The following FBN3 variants were observed in gnomAD, a reference collection of about 807,000 sequenced individuals.
The protein encoded by FBN3 is fibrillin 3, also known as fibrillin-3.
Under a neutral mutation model 330.1 loss-of-function variants are expected in FBN3, and 234 were observed. The ratio of observed to expected loss-of-function variants is 0.71; its 90% CI spans 0.64 to 0.79. The LOEUF (loss-of-function observed/expected upper bound fraction) is 0.79, where lower values mean the gene tolerates loss of function less well. Among genes scored for constraint, FBN3 ranks in the 30% least tolerant of loss-of-function variants. FBN3 has a pLI of 0.00. For synonymous variants in FBN3, 1,458 were observed against 1,517.3 expected, an observed-to-expected ratio of 0.96 and a Z score of 0.91; for missense variants, 3,606 against 3,886.9, an observed-to-expected ratio of 0.93 and a Z score of 1.92.
In FBN3 at chr19:8,094,334, C is replaced by A. The variant is rs759254593; in HGVS notation, c.5905+112G>T. On this transcript the variant is annotated intron_variant, in intron 47 of 63. Coordinates refer to ENST00000600128, the MANE Select transcript of FBN3 (RefSeq NM_032447.5). ...GTTTATGAAGCTGTGTTTGACGCTG[C>A]GTTAAGTACATCTCCACCTTCATCA... 6 of 1,162,908 alleles carry A rather than the reference C, an allele frequency of 5.2e-6. No individual in the cohort carries two copies. In the East Asian group the frequency reaches 7.8e-5, roughly 15 times the overall value. 72.0% of individuals were successfully genotyped at this position (1,162,908 alleles called of 1,614,324 possible).
In FBN3 at chr19:8,090,099, C is replaced by T. The variant is rs760712528; in HGVS notation, c.6184G>A (p.Ala2062Thr). 2.0e-5 allele frequency: 32 copies of T among 1,613,080 alleles called. No homozygotes were observed. Among genetic ancestry groups the T allele is most frequent in the East Asian group, 2.2e-5 (1 of 44,850 alleles). Residue 2062 changes from alanine to threonine, a missense_variant and splice_region_variant, in exon 49 of 64, where the codon GCT becomes ACT. Physicochemically the swap from Ala to Thr is moderately conservative, Grantham distance 58 (BLOSUM62 0). Coordinates refer to ENST00000600128, the MANE Select transcript of FBN3 (RefSeq NM_032447.5). Reference sequence around the variant, plus strand: ...AGCCTGGACAGGGGTGGGCACTCACCGCTGCCCTCCTGGGGACACAGTTCG... The same window carrying T: ...AGCCTGGACAGGGGTGGGCACTCACTGCTGCCCTCCTGGGGACACAGTTCG... ...PCELCPQEGS[A>T]AFQELCPFGH...
Position 8,086,305 on chromosome 19 carries a change from G to A in FBN3, c.6775C>T (p.Gln2259Ter). ...CGGCCGTTGACACAGAGGTCAGGCT[G>A]AGCGTGGCATTCATTGTCATCTGAG... Reference protein sequence around the residue: ...GCTDDNECHAQPDLCVNGRCV... With the variant: ...GCTDDNECHA Residue 2259 changes from glutamine to a stop codon, truncating the protein, a stop_gained, in exon 55 of 64, where the codon CAG (glutamine) becomes TAG (stop). Transcript: ENST00000600128. LOFTEE classifies it high-confidence loss of function. The A allele has an allele frequency of 6.2e-7, 1 of 1,610,148 alleles. No homozygotes were observed. Among genetic ancestry groups the A allele is most frequent in the Non-Finnish European group, 8.5e-7 (1 of 1,177,648 alleles).
chr19:8,128,370 C>A (rs967420008), intron 18 of FBN3, among the ~76,000 whole-genome samples: 4 of 152,070 alleles, frequency 2.6e-5, no homozygotes, highest in African/African-American at 7.2e-5. Flanking sequence ...TCGAGACCAG[C>A]CTGGCGAACA....
chr19:8,100,911 C>T lies in FBN3; in HGVS notation c.5151G>A (p.Gly1717=). 1 of 1,613,614 alleles carries T rather than the reference C, an allele frequency of 6.2e-7. No homozygotes were observed. The highest frequency in any genetic ancestry group is 8.5e-7 in the Non-Finnish European group (1 of 1,179,746). ...APGFLTDIHT[G]KPLDIDECGE... ...GGACCACTCACTCACCAAGGGGCTT[C>T]CCCGTGTGGATGTCAGTGAGGAATC... Residue 1717 remains glycine (G), a synonymous_variant, in exon 41 of 64, where the codon GGG becomes GGA. Coordinates refer to ENST00000600128, the MANE Select transcript of FBN3 (RefSeq NM_032447.5).
At chr19:8,117,690 C>A (rs1228561549) in intron 26 of FBN3, 101 bp from the exon 27 acceptor site, 3 of 1,358,312 alleles carry the variant, frequency 2.2e-6, no homozygotes, top group Non-Finnish European at 3.0e-6. Flanking sequence ...GGAGCTCACA[C>A]TGCCAGCATT....
chr19:8,094,592 T>G (rs758294573), intron 46 of FBN3, 27 bp from the exon 47 acceptor site: 3 of 1,604,124 alleles, frequency 1.9e-6, no homozygotes, highest in Middle Eastern at 1.7e-4. Context: ...GAAAGGTCCT[T>G]GTGCCAGCCA....
At chr19:8,105,366 T>G (rs1231882343) in intron 38 of FBN3, among the ~76,000 whole-genome samples, 2 of 151,608 alleles carry the variant, frequency 1.3e-5, no homozygotes, top group Non-Finnish European at 2.9e-5. Flanking sequence ...CAAGTGATCC[T>G]CCTGCCTCAG....
intron 38 of FBN3, among the ~76,000 whole-genome samples, chr19:8,104,174 A>G (rs1330413020): frequency 6.6e-6 from 1 of 151,586 alleles, no homozygotes; most frequent in Admixed American, 6.6e-5. Context: ...TGAAAAAAAA[A>G]AAAAAAAAAC....
rs141665122 is a variant in FBN3, at chr19:8,105,189, G to A, written c.4813+919C>T. On this transcript the variant is annotated intron_variant, in intron 38 of 63. Transcript: ENST00000600128. ...AGGCTGGTCTCGAACTCCTGACCTC[G>A]TGATCTGCCCACCTCGGCCTCCCAA... is the stretch of plus-strand genomic sequence containing the variant. 5.8e-3 allele frequency among the ~76,000 whole-genome samples: 884 copies of A among 151,540 alleles called. 9 individuals are homozygous for A. The highest frequency in any genetic ancestry group is 0.045 in the Middle Eastern group (13 of 292).
At chr19:8,103,770 G>A in intron 38 of FBN3, 83 bp from the exon 39 acceptor site, 2 of 1,394,940 alleles carry the variant, frequency 1.4e-6, no homozygotes, top group Non-Finnish European at 2.0e-6. Context: ...GACCCAGCAA[G>A]GCCACTTCAC....
chr19:8,147,808 T>G, intron 1 of FBN3: 1 of 260,126 alleles, frequency 3.8e-6, no homozygotes, highest in Non-Finnish European at 7.3e-6. Context: ...GGAGTGGGCA[T>G]AGCAGTGTCA....
Position 8,106,211 on chromosome 19 carries a change from C to T in FBN3, c.4710G>A (p.Leu1570=), listed in dbSNP as rs556414592. 8 of 1,614,190 alleles carry T rather than the reference C, an allele frequency of 5.0e-6. No individual in the cohort carries two copies. In the East Asian group the frequency reaches 1.1e-4, roughly 22 times the overall value. The change falls in exon 38 of 64, where the codon CTG becomes CTA. Residue 1570 remains leucine, a synonymous_variant. Transcript: ENST00000600128. ...AGTCACCCCCCTGACACAGCCCTGG[C>T]AGCTCTTGGCACTCGTCGATGTCTG... The part of the protein sequence containing the change: ...ILEDIDECQE[L]PGLCQGGDCV...
rs151274163 is a variant in FBN3, at chr19:8,106,183, C to G, written c.4738G>C (p.Val1580Leu). Residue 1580 changes from valine to leucine, a missense_variant, in exon 38 of 64, where the codon GTC becomes CTC. Coordinates refer to ENST00000600128, the MANE Select transcript of FBN3 (RefSeq NM_032447.5). Reference sequence around the variant, plus strand: ...CACTGGAAACTGCCAAACGTGTTGACGCAGTCACCCCCCTGACACAGCCCT... The same window carrying G: ...CACTGGAAACTGCCAAACGTGTTGAGGCAGTCACCCCCCTGACACAGCCCT... ...LPGLCQGGDC[V>L]NTFGSFQCEC... The G allele has an allele frequency of 1.2e-6, 2 of 1,614,118 alleles. No individual in the cohort carries two copies. The highest frequency in any genetic ancestry group is 2.2e-5 in the South Asian group (2 of 91,076).
rs915044170 is a variant in FBN3, at chr19:8,149,308, G to A, written c.-18+141C>T. ...CGGGCGCCACTAGAAGGCGGAGAGG[G>A]GAGGGGGCTGGGCCCGGGGCTGCCC... is the stretch of plus-strand genomic sequence containing the variant. On this transcript the variant is annotated intron_variant, in intron 1 of 63. Transcript: ENST00000600128. This position sits in a 1 kb window ranked among gnomAD's most constrained non-coding sequence, Gnocchi z 5.5. 6.6e-6 allele frequency: 1 copy of A among 151,868 alleles called. No individual in the cohort carries two copies. Among genetic ancestry groups the A allele is most frequent in the Non-Finnish European group, 1.5e-5 (1 of 67,950 alleles). The allele number at this position is 151,868 out of a possible 1,614,324, so 9.4% of individuals were successfully genotyped here.
intron 62 of FBN3, among the ~76,000 whole-genome samples, chr19:8,072,720 GCA>G (rs61403969): frequency 0.014 from 2,076 of 149,178 alleles, 48 homozygotes; most frequent in African/African-American, 0.043. Context: ...ATGCGCGCGT[GCA>G]CACACACACA....
chr19:8,142,093 AC>A lies in FBN3; in HGVS notation c.585del (p.Cys196AlafsTer5). On this transcript the variant is annotated frameshift_variant, in exon 7 of 64. Transcript: ENST00000600128. LOFTEE classifies it high-confidence loss of function. Reference sequence around the variant, plus strand: ...ACGAGGCCCGTCAGCTGATGCTGGCACCCCTCGGGGCCTACTTGGCCAAAGC... The same window carrying A: ...ACGAGGCCCGTCAGCTGATGCTGGCACCCTCGGGGCCTACTTGGCCAAAGC... ...GPCFGQVGPE[G>X]CQHQLTGLVC... 6.2e-7 allele frequency: 1 copy of A among 1,613,442 alleles called. No individual in the cohort carries two copies. Among genetic ancestry groups the A allele is most frequent in the South Asian group, 1.1e-5 (1 of 91,046 alleles).
chr19:8,097,077 A>G, intron 42 of FBN3, 71 bp from the exon 43 acceptor site: 2 of 1,572,712 alleles, frequency 1.3e-6, no homozygotes, highest in South Asian at 1.2e-5. Flanking sequence ...CGTGAAACCC[A>G]GTCCACTGCT....
chr19:8,073,360 C>A, intron 61 of FBN3, 63 bp from the exon 62 acceptor site: 1 of 1,335,018 alleles, frequency 7.5e-7, no homozygotes, highest in Admixed American at 2.1e-5. Flanking sequence ...CCTTCACACC[C>A]CCAGAGCCCT....
chr19:8,110,926 T>A lies in FBN3; in HGVS notation c.4252A>T (p.Ser1418Cys). 5 of 1,614,158 alleles carry A rather than the reference T, an allele frequency of 3.1e-6. No homozygotes were observed. Among genetic ancestry groups the A allele is most frequent in the Non-Finnish European group, 4.2e-6 (5 of 1,180,030 alleles). ...CAQGNLCAFG[S>C]CENLPGMFRC... ...AACATTCCAGGCAGGTTCTCACAGC[T>A]CCCAAATGCACAGAGGTTCCCTTGC... The change falls in exon 34 of 64, where the codon AGC becomes TGC. Residue 1418 changes from serine (S) to cysteine (C), a missense_variant. By Grantham distance (112) the Ser-to-Cys change is moderately radical. Coordinates refer to ENST00000600128, the MANE Select transcript of FBN3 (RefSeq NM_032447.5).
Sources: gnomAD v4.1 joint callset for allele counts (sites outside exome capture counted in the v4.1 genomes callset) on GRCh38, gnomAD v4.1.1 for gene constraint, Gnocchi (gnomAD v3.1) non-coding constraint, MANE v1.5 for transcripts, NCBI Gene and HGNC (gene_info 2026-07-23, HGNC 2026-07-21) for gene names.